Variants in ASAP2 observed in about 807,000 individuals in gnomAD.
ASAP2 encodes the protein ArfGAP with SH3 domain, ankyrin repeat and PH domain 2, also known as arf-GAP with SH3 domain, ANK repeat and PH domain-containing protein 2.
ASAP2 carries 45 observed loss-of-function variants against 131.4 expected under a neutral mutation model. The observed-to-expected ratio is 0.34, with a 90% CI of 0.27 to 0.44. ASAP2 has a LOEUF of 0.44. Among genes scored for constraint, ASAP2 ranks in the 20% least tolerant of loss-of-function variants. The probability of loss-of-function intolerance (pLI) is 1.00; values close to 1 mark genes in which losing one functional copy is unlikely to be tolerated. For synonymous variants in ASAP2, 510 were observed against 503.0 expected (o/e 1.01, Z -0.19); for missense variants, 1,011 against 1,297.0 (o/e 0.78, Z 3.39).
At chr2:9,344,269 G>C (rs1346173502) in intron 9 of ASAP2, among the ~76,000 whole-genome samples, 1 of 152,094 alleles carries the variant, frequency 6.6e-6, no homozygotes, top group Non-Finnish European at 1.5e-5. Context: ...AATAAAACCT[G>C]GAAACTTCCA....
At chr2:9,261,601 A>C (rs1320270309) in intron 1 of ASAP2, among the ~76,000 whole-genome samples, 2 of 152,216 alleles carry the variant, frequency 1.3e-5, no homozygotes, top group Middle Eastern at 3.2e-3. Flanking sequence ...TAGTGAGCTG[A>C]GCTGAGTGGC....
At chr2:9,264,702 C>T (rs951213682) in intron 1 of ASAP2, among the ~76,000 whole-genome samples, 7 of 152,186 alleles carry the variant, frequency 4.6e-5, no homozygotes. Context: ...AGTCCTTTGC[C>T]TCTTCCAGAG....
intron 9 of ASAP2, among the ~76,000 whole-genome samples, chr2:9,343,440 T>C (rs906762056): frequency 2.0e-5 from 3 of 152,046 alleles, no homozygotes; most frequent in African/African-American, 7.2e-5. Context: ...TGCTACTGTT[T>C]GTTTTGTTTG....
chr2:9,398,090 T>G (rs1676322219), intron 24 of ASAP2, among the ~76,000 whole-genome samples: 1 of 151,972 alleles, frequency 6.6e-6, no homozygotes. Context: ...ATGAAAATTG[T>G]GTGAGATTCA....
rs1663251089 is a variant in ASAP2, at chr2:9,232,683, T to C, written c.126+25453T>C. Among the ~76,000 whole-genome samples, 1 of 152,232 alleles carries C rather than the reference T, an allele frequency of 6.6e-6. No homozygotes were observed. Among genetic ancestry groups the C allele is most frequent in the South Asian group, 2.1e-4 (1 of 4,828 alleles). On this transcript the variant is annotated intron_variant, in intron 1 of 27. Coordinates refer to ENST00000281419, the MANE Select transcript of ASAP2 (RefSeq NM_003887.3). The surrounding 1 kb of genome is among the most constrained non-coding windows in gnomAD (Gnocchi z 4.1). The stretch of plus-strand genomic sequence containing the variant: ...CTGGACACATCATATATGTTTAATA[T>C]GTGTTTGTTGAATGAATAAAACTGA...
intron 8 of ASAP2, 47 bp from the exon 9 acceptor site, chr2:9,335,046 A>G (rs968658598): frequency 1.3e-6 from 2 of 1,577,892 alleles, no homozygotes; most frequent in Non-Finnish European, 8.7e-7. Flanking sequence ...ACTGTACCTC[A>G]GTCTTAATTT....
intron 11 of ASAP2, among the ~76,000 whole-genome samples, chr2:9,349,555 A>G (rs1249100292): frequency 1.3e-5 from 2 of 152,242 alleles, no homozygotes; most frequent in Non-Finnish European, 2.9e-5. Flanking sequence ...GTATCTTCTA[A>G]TACTGATTTC....
chr2:9,296,832 G>A (rs950399048), intron 2 of ASAP2, among the ~76,000 whole-genome samples: 4 of 152,202 alleles, frequency 2.6e-5, no homozygotes, highest in African/African-American at 9.6e-5. Context: ...CAGAGGCACT[G>A]GAGCTGCAAA....
intron 3 of ASAP2, among the ~76,000 whole-genome samples, chr2:9,313,770 CCCTT>C (rs1196529692): frequency 6.6e-6 from 1 of 152,106 alleles, no homozygotes; most frequent in Non-Finnish European, 1.5e-5. Context: ...GGGACAGTTA[CCCTT>C]CCTTCTTCCC....
At position 9,311,682 on chromosome 2, in the gene ASAP2, C is replaced by G. The variant is rs973194185; in HGVS notation, c.346-6842C>G. Among the ~76,000 whole-genome samples, 4 of 152,174 alleles carry G rather than the reference C, an allele frequency of 2.6e-5. No individual in the cohort carries two copies. Among genetic ancestry groups the G allele is most frequent in the African/African-American group, 9.7e-5 (4 of 41,448 alleles). On this transcript the variant is annotated intron_variant, in intron 3 of 27. Coordinates refer to ENST00000281419, the MANE Select transcript of ASAP2 (RefSeq NM_003887.3). This position sits in a 1 kb window ranked among gnomAD's most constrained non-coding sequence, Gnocchi z 5.2. ...GGCTGTGGTTTCCGTCCCTCTCGGC[C>G]AGAACTCGAGGATGGCTCGTTCGGC...
chr2:9,362,146 G>T (rs1673137782), intron 15 of ASAP2, among the ~76,000 whole-genome samples: 2 of 152,206 alleles, frequency 1.3e-5, no homozygotes, highest in South Asian at 4.1e-4. Flanking sequence ...GCCATGCATG[G>T]TCTGTCTGGT....
At chr2:9,335,802 A>G (rs776431609) in intron 9 of ASAP2, among the ~76,000 whole-genome samples, 23 of 152,212 alleles carry the variant, frequency 1.5e-4, no homozygotes, top group Non-Finnish European at 2.8e-4. Flanking sequence ...ATTTTACTAT[A>G]TTTTCACTAC....
At chr2:9,246,655 C>T (rs1326947919) in intron 1 of ASAP2, among the ~76,000 whole-genome samples, 3 of 152,162 alleles carry the variant, frequency 2.0e-5, no homozygotes, top group Admixed American at 6.5e-5. Flanking sequence ...TAAAGAGAAC[C>T]GTGAGAGGTC....
Position 9,358,853 on chromosome 2 carries a change from C to G in ASAP2, c.1425C>G (p.Ser475=). Reference sequence around the variant, plus strand: ...GGGTTCATTATTCCAGGATGCAGTCCCTGACCTTAGATGTACTGGGAACAT... The same window carrying G: ...GGGTTCATTATTCCAGGATGCAGTCGCTGACCTTAGATGTACTGGGAACAT... The part of the protein sequence containing the change: ...ELGVHYSRMQ[S]LTLDVLGTSE... Residue 475 remains serine (S), a synonymous_variant, in exon 15 of 28, where the codon TCC becomes TCG. Coordinates refer to ENST00000281419, the MANE Select transcript of ASAP2 (RefSeq NM_003887.3). The G allele has an allele frequency of 6.2e-7, 1 of 1,612,280 alleles. No individual in the cohort carries two copies. Among genetic ancestry groups the G allele is most frequent in the Non-Finnish European group, 8.5e-7 (1 of 1,179,580 alleles).
At chr2:9,272,211 A>G (rs944344096) in intron 1 of ASAP2, among the ~76,000 whole-genome samples, 7 of 152,062 alleles carry the variant, frequency 4.6e-5, no homozygotes, top group Admixed American at 2.0e-4. Flanking sequence ...CCACATCCCC[A>G]CAAGCATTTG....
At chr2:9,371,833 A>T (rs1673991960) in intron 16 of ASAP2, among the ~76,000 whole-genome samples, 1 of 151,776 alleles carries the variant, frequency 6.6e-6, no homozygotes, top group Non-Finnish European at 1.5e-5. Flanking sequence ...AAAAAGAGGG[A>T]GGGCCGGGCG....
chr2:9,378,856 GC>G (rs1674606312), intron 18 of ASAP2, 87 bp from the exon 19 acceptor site: 6 of 894,634 alleles, frequency 6.7e-6, no homozygotes, highest in Non-Finnish European at 9.2e-6. Flanking sequence ...CCTTTCCTGT[GC>G]CCGTAGCCCA....
intron 1 of ASAP2, among the ~76,000 whole-genome samples, chr2:9,277,089 C>G (rs569295984): frequency 2.6e-5 from 4 of 152,212 alleles, no homozygotes; most frequent in Non-Finnish European, 4.4e-5. Context: ...GAGTGCTAGG[C>G]TGCACGGTCA....
chr2:9,395,594 CTTTTTTTTTTTTTTTTTTTTTTTTTT>C, intron 24 of ASAP2, among the ~76,000 whole-genome samples: 1 of 59,048 alleles, frequency 1.7e-5, no homozygotes, highest in Non-Finnish European at 3.6e-5. Context: ...TGTTTTTTTT[CTTTTTTTTTTTTTTTTTTTTTTTTTT>C]TTTTTGAGAT....
Sources: allele counts gnomAD v4.1 joint callset (sites outside exome capture counted in the v4.1 genomes callset), GRCh38; gene constraint gnomAD v4.1.1; non-coding constraint Gnocchi (gnomAD v3.1); transcripts MANE v1.5; gene names NCBI Gene and HGNC (gene_info 2026-07-23, HGNC 2026-07-21).